CACNB4: variants seen among roughly 807,000 people sequenced by gnomAD.
The protein encoded by CACNB4 is voltage-dependent L-type calcium channel subunit beta-4.
A neutral mutation model predicts 71.2 loss-of-function variants in CACNB4; 32 were observed. The ratio of observed to expected loss-of-function variants is 0.45; its 90% confidence interval spans 0.34 to 0.60. The LOEUF is 0.60. Ranked by LOEUF, CACNB4 falls within the 20% of genes least tolerant of loss-of-function variation. The pLI is 0.01. For missense variants in CACNB4, 464 were observed against 647.9 expected, an observed-to-expected ratio of 0.72 and a Z score of 3.08; for synonymous variants, 231 against 236.9, an observed-to-expected ratio of 0.97 and a Z score of 0.23.
chr2:151,955,373 C>T (rs1449917893), intron 2 of CACNB4, among the ~76,000 whole-genome samples: 1 of 152,176 alleles, frequency 6.6e-6, no homozygotes, highest in African/African-American at 2.4e-5. Context: ...ATTCTCTACC[C>T]TTGCATAGTT....
chr2:151,988,356 C>T, intron 2 of CACNB4, among the ~76,000 whole-genome samples: 1 of 152,144 alleles, frequency 6.6e-6, no homozygotes, highest in East Asian at 1.9e-4. Context: ...TTACCTCATA[C>T]ATCTGCCTTT....
At chr2:151,844,625 T>C (rs972257817) in intron 12 of CACNB4, among the ~76,000 whole-genome samples, 1 of 152,196 alleles carries the variant, frequency 6.6e-6, no homozygotes, top group Non-Finnish European at 1.5e-5. Context: ...GTTACAAATA[T>C]AGAATCTCAG....
chr2:152,064,194 G>A (rs1022317245), intron 2 of CACNB4, among the ~76,000 whole-genome samples: 1 of 152,170 alleles, frequency 6.6e-6, no homozygotes, highest in Non-Finnish European at 1.5e-5. Context: ...TTGTTGAAGT[G>A]CATGAAGGGA....
At chr2:151,867,433 C>A (rs906651825) in intron 9 of CACNB4, 2 of 152,158 alleles carry the variant, frequency 1.3e-5, no homozygotes, top group African/African-American at 4.8e-5. Flanking sequence ...CAAACAGAAG[C>A]AGGTTGTCTA....
At chr2:151,947,732 G>A (rs985936590) in intron 2 of CACNB4, among the ~76,000 whole-genome samples, 1 of 152,146 alleles carries the variant, frequency 6.6e-6, no homozygotes, top group Non-Finnish European at 1.5e-5. Flanking sequence ...TGCCTCTTCT[G>A]AGACCACCCA....
intron 2 of CACNB4, among the ~76,000 whole-genome samples, chr2:151,886,944 A>G (rs1194867921): frequency 6.6e-6 from 1 of 152,216 alleles, no homozygotes; most frequent in Admixed American, 6.5e-5. Flanking sequence ...TGAGCTAGAG[A>G]GGCCAGAAGG....
intron 2 of CACNB4, among the ~76,000 whole-genome samples, chr2:151,921,870 CTCCCCT>C (rs1560000111): frequency 6.6e-6 from 1 of 152,148 alleles, no homozygotes; most frequent in Non-Finnish European, 1.5e-5. Context: ...ATGTGCCTGC[CTCCCCT>C]TCCCCTTCGC....
intron 11 of CACNB4, chr2:151,853,790 T>C: frequency 3.0e-6 from 1 of 336,910 alleles, no homozygotes; most frequent in Non-Finnish European, 5.3e-6. Flanking sequence ...GTTCCCATCC[T>C]AGATTTTTCC....
At chr2:151,861,846 A>AAAAAAAAAAAAAAAAAAAAAAC (rs2099841763) in intron 9 of CACNB4, 2 of 151,586 alleles carry the variant, frequency 1.3e-5, no homozygotes, top group African/African-American at 4.9e-5. Flanking sequence ...CTGTCTCAAA[A>AAAAAAAAAAAAAAAAAAAAAAC]AAAAAAAAAA....
At chr2:151,899,084 T>G (rs16830435) in intron 2 of CACNB4, among the ~76,000 whole-genome samples, 14,480 of 152,306 alleles carry the variant, frequency 0.095, 1,240 homozygotes, top group Admixed American at 0.21. Flanking sequence ...AAGAGGACAG[T>G]CCTGAGGATG....
rs142823723 is a variant in CACNB4, at chr2:152,090,692, C to T, written c.147+7638G>A. Among the ~76,000 whole-genome samples the T allele has an allele frequency of 2.6e-3, 393 of 151,134 alleles. 1 individual carries two copies. The highest frequency in any genetic ancestry group is 9.2e-3 in the African/African-American group (379 of 41,270). ...AGATAAAAACTTGAATCAGAACTTA[C>T]CTAAGTTTCAATAAAATTGTACCAT... is the stretch of plus-strand genomic sequence containing the variant. On this transcript the variant is annotated intron_variant, in intron 2 of 13. Transcript: ENST00000539935.
intron 2 of CACNB4, among the ~76,000 whole-genome samples, chr2:152,072,114 G>T (rs1686727399): frequency 6.6e-6 from 1 of 152,264 alleles, no homozygotes; most frequent in Admixed American, 6.5e-5. Flanking sequence ...CAATAATTGA[G>T]AGGGGCAGTT....
intron 2 of CACNB4, among the ~76,000 whole-genome samples, chr2:152,075,220 C>T (rs10803938): frequency 0.52 from 79,359 of 152,050 alleles, 21,575 homozygotes; most frequent in East Asian, 0.85. Context: ...GTCACACAAA[C>T]AGAAAGTGAT....
At chr2:151,928,799 C>T (rs1312923622) in intron 2 of CACNB4, among the ~76,000 whole-genome samples, 3 of 151,664 alleles carry the variant, frequency 2.0e-5, no homozygotes, top group African/African-American at 4.9e-5. Context: ...TGGTATGTGC[C>T]GGTGGTCCCA....
chr2:151,932,975 AG>A (rs1021028237), intron 2 of CACNB4, among the ~76,000 whole-genome samples: 2 of 151,868 alleles, frequency 1.3e-5, no homozygotes, highest in Non-Finnish European at 1.5e-5. Context: ...CTAAGAACAA[AG>A]GCAGGCTCCT....
At chr2:151,868,024 T>C (rs2099843634) in intron 9 of CACNB4, 1 of 152,244 alleles carries the variant, frequency 6.6e-6, no homozygotes, top group Non-Finnish European at 1.5e-5. Flanking sequence ...TTTCTTAAAC[T>C]AAAATCTGTT....
In CACNB4 at chr2:151,883,456, T is replaced by C. The variant is rs902962221; in HGVS notation, c.148-86A>G. On this transcript the variant is annotated intron_variant, in intron 2 of 13. Transcript: ENST00000539935. ...AACAGTATCCTGGGGCGAGTTCTTT[T>C]TCATTTGCCTAAAATTTGATGCACA... 38 of 1,371,328 alleles carry C rather than the reference T, an allele frequency of 2.8e-5. No homozygotes were observed. The Admixed American group carries it at 6.2e-4, about 23-fold the overall frequency. 84.9% of individuals were successfully genotyped at this position (1,371,328 alleles called of 1,614,324 possible). A position where few individuals can be genotyped will look rare whatever the true frequency, so the allele number is the denominator to read the frequency against.
chr2:151,920,370 G>A (rs543050845), intron 2 of CACNB4, among the ~76,000 whole-genome samples: 4 of 126,240 alleles, frequency 3.2e-5, no homozygotes, highest in East Asian at 2.6e-4. Context: ...TGTCCACAAC[G>A]GAGGTACAGT....
intron 2 of CACNB4, among the ~76,000 whole-genome samples, chr2:151,953,698 C>T (rs142397377): frequency 2.8e-4 from 43 of 152,320 alleles, no homozygotes; most frequent in African/African-American, 9.4e-4. Context: ...GTTTCAAATG[C>T]ACAGATCTCC....
Sources: allele counts gnomAD v4.1 joint callset (sites outside exome capture counted in the v4.1 genomes callset), GRCh38; gene constraint gnomAD v4.1.1; transcripts MANE v1.5; gene names NCBI Gene and HGNC (gene_info 2026-07-23, HGNC 2026-07-21).